SNTG1: variants seen among roughly 807,000 people sequenced by gnomAD.
SNTG1 encodes syntrophin gamma 1.
In SNTG1, 39 loss-of-function variants were observed where a neutral mutation model predicts 74.7. The ratio of observed to expected loss-of-function variants is 0.52; its 90% confidence interval spans 0.40 to 0.68. SNTG1 has a LOEUF of 0.68. Among genes scored for constraint, SNTG1 ranks in the 30% least tolerant of loss-of-function variants. The pLI, the probability that SNTG1 is intolerant of heterozygous loss-of-function variation, is 0.00. For missense variants in SNTG1, 685 were observed against 609.5 expected, an observed-to-expected ratio of 1.12 and a Z score of -1.30; for synonymous variants, 254 against 217.1, an observed-to-expected ratio of 1.17 and a Z score of -1.49.
intron 1 of SNTG1, among the ~76,000 whole-genome samples, chr8:49,936,913 C>T (rs1046170598): frequency 2.0e-5 from 3 of 152,116 alleles, no homozygotes; most frequent in African/African-American, 7.2e-5. Flanking sequence ...CTTTGGGAGG[C>T]CGAGGTGGGC....
chr8:50,409,531 G>T (rs1392538963), intron 4 of SNTG1, among the ~76,000 whole-genome samples: 2 of 152,198 alleles, frequency 1.3e-5, no homozygotes, highest in African/African-American at 4.8e-5. Flanking sequence ...CTGTTGATCA[G>T]AATGATGCAT....
intron 1 of SNTG1, among the ~76,000 whole-genome samples, chr8:50,151,331 T>G (rs1485929338): frequency 1.3e-5 from 2 of 152,218 alleles, no homozygotes; most frequent in African/African-American, 4.8e-5. Flanking sequence ...GCTAGTGGTC[T>G]ATCAATTTTG....
chr8:50,715,638 C>A (rs769228249), intron 17 of SNTG1, among the ~76,000 whole-genome samples: 5 of 152,042 alleles, frequency 3.3e-5, no homozygotes, highest in Admixed American at 6.5e-5. Context: ...TCTTTATCTC[C>A]TTTATTAGCC....
At chr8:49,928,752 C>T (rs935885136) in intron 1 of SNTG1, among the ~76,000 whole-genome samples, 2 of 151,412 alleles carry the variant, frequency 1.3e-5, no homozygotes, top group African/African-American at 2.4e-5. Flanking sequence ...TACTTTTCCC[C>T]AGTGCAAGAA....
At chr8:50,763,739 A>C (rs1213420671) in intron 18 of SNTG1, among the ~76,000 whole-genome samples, 1 of 146,622 alleles carries the variant, frequency 6.8e-6, no homozygotes, top group African/African-American at 2.5e-5. Context: ...CAGGGATTGG[A>C]AAAATTAATG....
chr8:50,315,730 C>A (rs1381836719), intron 2 of SNTG1, among the ~76,000 whole-genome samples: 1 of 138,052 alleles, frequency 7.2e-6, no homozygotes, highest in Non-Finnish European at 1.5e-5. Flanking sequence ...ATCTTTCATT[C>A]AAAACCATTG....
chr8:50,540,484 T>A (rs1324278170), intron 11 of SNTG1, among the ~76,000 whole-genome samples: 1 of 152,208 alleles, frequency 6.6e-6, no homozygotes, highest in African/African-American at 2.4e-5. Flanking sequence ...TTTAGTGCTG[T>A]GTTGTACGTA....
In SNTG1 at chr8:50,331,365, T is replaced by A. The variant is rs574143389; in HGVS notation, c.-27-62847T>A. On this transcript the variant is annotated intron_variant, in intron 2 of 18. Coordinates refer to ENST00000642720, the MANE Select transcript of SNTG1 (RefSeq NM_018967.5). Reference sequence around the variant, plus strand: ...AGAAAAATCTCTGATACAGTTTGCATGAACTTGAGACCAAAACGATCTTTA... The same window carrying A: ...AGAAAAATCTCTGATACAGTTTGCAAGAACTTGAGACCAAAACGATCTTTA... 3.4e-4 allele frequency among the ~76,000 whole-genome samples: 52 copies of A among 152,266 alleles called. 1 individual carries two copies. Among genetic ancestry groups the A allele is most frequent in the African/African-American group, 1.2e-3 (50 of 41,558 alleles).
chr8:50,225,115 C>T (rs563751774), intron 2 of SNTG1, among the ~76,000 whole-genome samples: 3 of 152,136 alleles, frequency 2.0e-5, no homozygotes, highest in Admixed American at 6.5e-5. Flanking sequence ...GGACTACAGG[C>T]GCCCACCACC....
At chr8:50,073,605 A>T (rs1821568217) in intron 1 of SNTG1, among the ~76,000 whole-genome samples, 1 of 152,178 alleles carries the variant, frequency 6.6e-6, no homozygotes. Flanking sequence ...AAAATCCAGC[A>T]GAAGAATCAC....
intron 1 of SNTG1, among the ~76,000 whole-genome samples, chr8:49,938,740 AT>A (rs995941417): frequency 1.4e-4 from 18 of 129,682 alleles, no homozygotes; most frequent in African/African-American, 4.6e-4. Flanking sequence ...ACAAGAGTTT[AT>A]TTTTTTCCTA....
intron 2 of SNTG1, among the ~76,000 whole-genome samples, chr8:50,338,604 C>T (rs1332265933): frequency 6.6e-6 from 1 of 151,854 alleles, no homozygotes; most frequent in African/African-American, 2.4e-5. Flanking sequence ...AAAGAAAATG[C>T]TAAAAATCAA....
chr8:50,721,724 T>C (rs2095488085), intron 17 of SNTG1, among the ~76,000 whole-genome samples: 2 of 152,340 alleles, frequency 1.3e-5, no homozygotes, highest in African/African-American at 2.4e-5. Flanking sequence ...TTCTTAGCTA[T>C]GAAATGTGGT....
chr8:50,395,973 T>C (rs1443098494), intron 3 of SNTG1, among the ~76,000 whole-genome samples: 1 of 152,214 alleles, frequency 6.6e-6, no homozygotes, highest in Non-Finnish European at 1.5e-5. Flanking sequence ...ATGGTACAGA[T>C]TGGACAGTGG....
Position 50,215,146 on chromosome 8 carries a change from G to T in SNTG1, c.-28+42511G>T, listed in dbSNP as rs994752021. Among the ~76,000 whole-genome samples, 92 of 152,176 alleles carry T rather than the reference G, an allele frequency of 6.0e-4. 1 individual carries two copies. Among genetic ancestry groups the T allele is most frequent in the South Asian group, 8.3e-4 (4 of 4,814 alleles). On this transcript the variant is annotated intron_variant, in intron 2 of 18. Coordinates refer to ENST00000642720, the MANE Select transcript of SNTG1 (RefSeq NM_018967.5). ...TTCTCCTGGGGCCCTGTCTCCTAGG[G>T]CAGGAACCACTCCTTTAATTACAAT...
At chr8:50,723,082 A>G (rs2095491643) in intron 17 of SNTG1, among the ~76,000 whole-genome samples, 1 of 152,148 alleles carries the variant, frequency 6.6e-6, no homozygotes, top group African/African-American at 2.4e-5. Context: ...TCCTCAGACT[A>G]TCGTGCTAAT....
intron 17 of SNTG1, among the ~76,000 whole-genome samples, chr8:50,728,568 G>T (rs937647124): frequency 9.2e-5 from 14 of 152,104 alleles, no homozygotes; most frequent in Non-Finnish European, 1.9e-4. Flanking sequence ...CACATTGGTG[G>T]CACCTTGAGC....
chr8:50,779,408 A>T (rs971718286), intron 18 of SNTG1, among the ~76,000 whole-genome samples: 1 of 152,068 alleles, frequency 6.6e-6, no homozygotes, highest in East Asian at 1.9e-4. Flanking sequence ...CTCCTTGAAG[A>T]GGTCCTTCAA....
At chr8:50,392,655 T>G (rs1050941405) in intron 2 of SNTG1, among the ~76,000 whole-genome samples, 2 of 152,198 alleles carry the variant, frequency 1.3e-5, no homozygotes, top group African/African-American at 4.8e-5. Flanking sequence ...AGAAATTCTT[T>G]GTGCTTATAT....
Sources: allele counts gnomAD v4.1 joint callset (sites outside exome capture counted in the v4.1 genomes callset), GRCh38; gene constraint gnomAD v4.1.1; transcripts MANE v1.5; gene names NCBI Gene and HGNC (gene_info 2026-07-23, HGNC 2026-07-21).